Variants in RETREG1 observed in about 807,000 individuals in gnomAD.
RETREG1 encodes family with sequence similarity 134 member B.
A neutral mutation model predicts 54.8 loss-of-function variants in RETREG1; 44 were observed. The observed-to-expected ratio is 0.80, with a 90% CI of 0.63 to 1.03. RETREG1 has a LOEUF of 1.03. Among genes scored for constraint, RETREG1 ranks in the 50% least tolerant of loss-of-function variants. The pLI, the probability that RETREG1 is intolerant of heterozygous loss-of-function variation, is 0.00. For missense variants in RETREG1, 554 were observed against 605.1 expected, an observed-to-expected ratio of 0.92 and a Z score of 0.89; for synonymous variants, 217 against 238.5, an observed-to-expected ratio of 0.91 and a Z score of 0.83.
intron 3 of RETREG1, among the ~76,000 whole-genome samples, chr5:16,483,705 A>G (rs528710427): frequency 6.6e-6 from 1 of 152,154 alleles, no homozygotes; most frequent in Non-Finnish European, 1.5e-5. Flanking sequence ...CTCAGGGAGA[A>G]CAGGGTGAGG....
intron 1 of RETREG1, among the ~76,000 whole-genome samples, chr5:16,574,615 G>A (rs1742275371): frequency 6.6e-6 from 1 of 152,204 alleles, no homozygotes; most frequent in Non-Finnish European, 1.5e-5. Flanking sequence ...CTAGGTCAGT[G>A]TTTCTTAAAT....
At chr5:16,611,157 A>T (rs1383472791) in intron 1 of RETREG1, among the ~76,000 whole-genome samples, 1 of 152,206 alleles carries the variant, frequency 6.6e-6, no homozygotes, top group African/African-American at 2.4e-5. Context: ...ACAAGGACAA[A>T]AAAACCAAAC....
intron 3 of RETREG1, among the ~76,000 whole-genome samples, chr5:16,525,731 A>G (rs1314328662): frequency 6.7e-6 from 1 of 150,178 alleles, no homozygotes; most frequent in Non-Finnish European, 1.5e-5. Flanking sequence ...GTTCTTTGGG[A>G]AAAGATAACC....
At chr5:16,573,456 T>G (rs776476586) in intron 1 of RETREG1, among the ~76,000 whole-genome samples, 1 of 152,186 alleles carries the variant, frequency 6.6e-6, no homozygotes, top group South Asian at 2.1e-4. Context: ...ATATTAACTT[T>G]GATAGAATCA....
intron 3 of RETREG1, among the ~76,000 whole-genome samples, chr5:16,550,167 C>A (rs1741493134): frequency 6.6e-6 from 1 of 152,040 alleles, no homozygotes; most frequent in South Asian, 2.1e-4. Flanking sequence ...TACACCATGA[C>A]ACCCCAGTGA....
chr5:16,605,259 CAT>C (rs1743153935), intron 1 of RETREG1, among the ~76,000 whole-genome samples: 2 of 152,222 alleles, frequency 1.3e-5, no homozygotes, highest in Admixed American at 6.5e-5. Flanking sequence ...TCAGACAACA[CAT>C]GTGACTCCTT....
At chr5:16,529,035 C>T (rs1226592652) in intron 3 of RETREG1, among the ~76,000 whole-genome samples, 1 of 152,164 alleles carries the variant, frequency 6.6e-6, no homozygotes, top group Non-Finnish European at 1.5e-5. Context: ...AAACTATATA[C>T]CCCAAGAGTA....
At position 16,544,365 on chromosome 5, in the gene RETREG1, G is replaced by A. The variant is rs114088306; in HGVS notation, c.458+21398C>T. Reference sequence around the variant, plus strand: ...TCACAAATATTTTCTCCCAATCTATGCCTTGACTTTTCATTCCCTTAGCTA... The same window carrying A: ...TCACAAATATTTTCTCCCAATCTATACCTTGACTTTTCATTCCCTTAGCTA... On this transcript the variant is annotated intron_variant, in intron 3 of 8. Transcript: ENST00000306320. Among the ~76,000 whole-genome samples the A allele has an allele frequency of 6.3e-3, 960 of 152,210 alleles. 7 individuals are homozygous for A. The highest frequency in any genetic ancestry group is 0.022 in the African/African-American group (925 of 41,518).
chr5:16,546,089 C>T (rs927091444), intron 3 of RETREG1, among the ~76,000 whole-genome samples: 5 of 152,214 alleles, frequency 3.3e-5, no homozygotes, highest in African/African-American at 9.6e-5. Context: ...GATTGAAATC[C>T]CAAGAAAGAA....
At chr5:16,587,891 C>A (rs1202732704) in intron 1 of RETREG1, among the ~76,000 whole-genome samples, 1 of 152,146 alleles carries the variant, frequency 6.6e-6, no homozygotes, top group Non-Finnish European at 1.5e-5. Flanking sequence ...TCTGCTTACC[C>A]AGCTCCAGCC....
intron 3 of RETREG1, among the ~76,000 whole-genome samples, chr5:16,496,335 G>A (rs183577122): frequency 8.6e-4 from 131 of 152,294 alleles, no homozygotes; most frequent in Middle Eastern, 3.4e-3. Context: ...CATAATGTTG[G>A]AGACCCAGGC....
At chr5:16,609,342 G>C (rs182205569) in intron 1 of RETREG1, among the ~76,000 whole-genome samples, 49 of 152,242 alleles carry the variant, frequency 3.2e-4, no homozygotes, top group Non-Finnish European at 6.0e-4. Flanking sequence ...CTTTAGTAAA[G>C]TTTGACTTTA....
chr5:16,498,411 A>G (rs781061134), intron 3 of RETREG1, among the ~76,000 whole-genome samples: 52 of 152,248 alleles, frequency 3.4e-4, no homozygotes, highest in Admixed American at 7.2e-4. Context: ...AATACAGAAT[A>G]AAAGATTTTT....
At chr5:16,500,195 G>C (rs1191996583) in intron 3 of RETREG1, among the ~76,000 whole-genome samples, 1 of 152,126 alleles carries the variant, frequency 6.6e-6, no homozygotes, top group Non-Finnish European at 1.5e-5. Context: ...TTCTCCCAGG[G>C]ACAGCTGGAA....
At chr5:16,499,472 G>C (rs1157602746) in intron 3 of RETREG1, among the ~76,000 whole-genome samples, 1 of 152,160 alleles carries the variant, frequency 6.6e-6, no homozygotes, top group Non-Finnish European at 1.5e-5. Flanking sequence ...ATGTAAAATA[G>C]AGTTTATAAT....
At chr5:16,518,726 T>C (rs962413382) in intron 3 of RETREG1, among the ~76,000 whole-genome samples, 1 of 152,158 alleles carries the variant, frequency 6.6e-6, no homozygotes, top group Non-Finnish European at 1.5e-5. Flanking sequence ...TTTGCTCAAG[T>C]CAGAGCACAG....
chr5:16,491,956 G>A (rs556028053), intron 3 of RETREG1, among the ~76,000 whole-genome samples: 55 of 152,178 alleles, frequency 3.6e-4, no homozygotes, highest in East Asian at 9.7e-4. Flanking sequence ...AGATTTCTGC[G>A]GGCAAAACTT....
At chr5:16,517,031 T>C (rs1340610720) in intron 3 of RETREG1, among the ~76,000 whole-genome samples, 2 of 151,746 alleles carry the variant, frequency 1.3e-5, no homozygotes, top group African/African-American at 4.8e-5. Flanking sequence ...CAATACTGAG[T>C]GAGGAAAAGT....
intron 3 of RETREG1, among the ~76,000 whole-genome samples, chr5:16,541,204 CATGAGGGCAG>C (rs1741233152): frequency 6.6e-6 from 1 of 152,172 alleles, no homozygotes; most frequent in Admixed American, 6.5e-5. Flanking sequence ...ATGATTCAAT[CATGAGGGCAG>C]AACTCACAAC....
Sources: allele counts gnomAD v4.1 joint callset (sites outside exome capture counted in the v4.1 genomes callset), GRCh38; gene constraint gnomAD v4.1.1; transcripts MANE v1.5; gene names NCBI Gene and HGNC (gene_info 2026-07-23, HGNC 2026-07-21).